SEL1L2: variants seen among roughly 807,000 people sequenced by gnomAD.
The protein encoded by SEL1L2 is SEL1L2 adaptor subunit of SYVN1 ubiquitin ligase, also known as protein sel-1 homolog 2.
Under a neutral mutation model 98.8 loss-of-function variants are expected in SEL1L2, and 89 were observed. The observed-to-expected ratio is 0.90, with a 90% CI of 0.76 to 1.07. SEL1L2 has a LOEUF of 1.07. SEL1L2 is among the 50% of genes least tolerant of loss of function. SEL1L2 has a pLI of 0.00. For missense variants in SEL1L2, 788 were observed against 812.0 expected, an observed-to-expected ratio of 0.97 and a Z score of 0.36; for synonymous variants, 262 against 278.5, an observed-to-expected ratio of 0.94 and a Z score of 0.59.
intron 2 of SEL1L2, among the ~76,000 whole-genome samples, chr20:13,945,753 G>C (rs2049979041): frequency 6.6e-6 from 1 of 152,012 alleles, no homozygotes; most frequent in African/African-American, 2.4e-5. Context: ...GACCAAGTGG[G>C]ATTTTTTTCT....
chr20:13,967,464 A>C (rs1214829304), intron 1 of SEL1L2, among the ~76,000 whole-genome samples: 1 of 152,220 alleles, frequency 6.6e-6, no homozygotes, highest in Non-Finnish European at 1.5e-5. Context: ...GCACAGATAC[A>C]GTCCTATATA....
At position 13,885,329 on chromosome 20, in the gene SEL1L2, A is replaced by C; in HGVS notation, c.957+18T>G. 1 of 1,547,804 alleles carries C rather than the reference A, an allele frequency of 6.5e-7. No individual in the cohort carries two copies. Among genetic ancestry groups the C allele is most frequent in the Non-Finnish European group, 8.9e-7 (1 of 1,119,888 alleles). On this transcript the variant is annotated intron_variant, in intron 10 of 19. Coordinates refer to ENST00000284951, the MANE Select transcript of SEL1L2 (RefSeq NM_025229.2). ...TACCTTCCCCACCCCATTTGACTGG[A>C]TCTTGAGATTGACTTACGTAGTAAT... is the stretch of plus-strand genomic sequence containing the variant.
At chr20:13,883,260 C>G (rs893608469) in intron 10 of SEL1L2, among the ~76,000 whole-genome samples, 3 of 152,198 alleles carry the variant, frequency 2.0e-5, no homozygotes, top group African/African-American at 7.2e-5. Context: ...TGGAATTAAA[C>G]TCGTCTTCTT....
intron 2 of SEL1L2, among the ~76,000 whole-genome samples, chr20:13,941,033 G>A (rs901644432): frequency 3.9e-5 from 6 of 152,200 alleles, no homozygotes; most frequent in African/African-American, 1.4e-4. Flanking sequence ...GTATGTTTTA[G>A]AAGTTTAACA....
intron 12 of SEL1L2, 39 bp downstream of exon 12, chr20:13,875,999 T>TG (rs1437082917): frequency 6.8e-7 from 1 of 1,478,884 alleles, no homozygotes; most frequent in East Asian, 2.3e-5. Context: ...TAAAAGCAAT[T>TG]TGTGTGTATG....
At chr20:13,913,525 T>C (rs2048286418) in intron 5 of SEL1L2, 1 of 316,414 alleles carries the variant, frequency 3.2e-6, no homozygotes, top group African/African-American at 2.1e-5. Flanking sequence ...CATGCAAACA[T>C]GTCACCCTAA....
At chr20:13,879,126 A>G (rs2046571694) in intron 10 of SEL1L2, among the ~76,000 whole-genome samples, 1 of 152,186 alleles carries the variant, frequency 6.6e-6, no homozygotes, top group Non-Finnish European at 1.5e-5. Flanking sequence ...AGGAGGGCTA[A>G]AATGATCGAG....
upstream of SEL1L2, among the ~76,000 whole-genome samples, chr20:13,993,439 A>G (rs761148923): frequency 3.3e-5 from 5 of 152,218 alleles, no homozygotes; most frequent in Admixed American, 6.5e-5. Context: ...GGGATGTTAA[A>G]TATTTAACAG....
upstream of SEL1L2, among the ~76,000 whole-genome samples, chr20:13,993,396 C>T (rs1043942241): frequency 2.6e-5 from 4 of 152,152 alleles, no homozygotes; most frequent in African/African-American, 7.2e-5. Flanking sequence ...AGCATGAGTT[C>T]AGTTTGGTAC....
chr20:13,985,274 C>T (rs1430945573), intron 1 of SEL1L2, among the ~76,000 whole-genome samples: 1 of 152,180 alleles, frequency 6.6e-6, no homozygotes, highest in Non-Finnish European at 1.5e-5. Context: ...CCACTCCAGC[C>T]TCATAAGTTG....
chr20:13,876,910 G>A (rs1041237013), intron 11 of SEL1L2, among the ~76,000 whole-genome samples: 3 of 152,084 alleles, frequency 2.0e-5, no homozygotes, highest in African/African-American at 7.2e-5. Context: ...TGCACCCTCT[G>A]CCTCCCAGGT....
chr20:13,897,624 T>C (rs1046123529), intron 5 of SEL1L2, among the ~76,000 whole-genome samples: 4 of 152,088 alleles, frequency 2.6e-5, no homozygotes, highest in Admixed American at 6.6e-5. Context: ...AAAGAAGATA[T>C]ACAAATGGCC....
At chr20:13,908,081 C>T (rs532588702) in intron 5 of SEL1L2, among the ~76,000 whole-genome samples, 1 of 138,056 alleles carries the variant, frequency 7.2e-6, no homozygotes, top group Admixed American at 7.6e-5. Flanking sequence ...GCCACCATGC[C>T]TGGCTGATCA....
At chr20:13,929,473 C>T (rs1471813412) in intron 3 of SEL1L2, among the ~76,000 whole-genome samples, 1 of 137,896 alleles carries the variant, frequency 7.3e-6, no homozygotes, top group Non-Finnish European at 1.5e-5. Flanking sequence ...TGGATATCCT[C>T]TAATTGCCTT....
At chr20:13,958,674 C>T (rs189886945) in intron 1 of SEL1L2, among the ~76,000 whole-genome samples, 17 of 152,114 alleles carry the variant, frequency 1.1e-4, no homozygotes, top group African/African-American at 1.4e-4. Flanking sequence ...CGGTGGCTCA[C>T]GCCTGTAATC....
chr20:13,866,662 T>C (rs754197020), intron 15 of SEL1L2, 40 bp downstream of exon 15: 1 of 1,473,588 alleles, frequency 6.8e-7, no homozygotes, highest in Non-Finnish European at 9.0e-7. Context: ...CTGTGTCATA[T>C]ATGACAAGTG....
intron 1 of SEL1L2, among the ~76,000 whole-genome samples, chr20:13,979,271 G>A (rs960285803): frequency 6.6e-6 from 1 of 152,052 alleles, no homozygotes; most frequent in African/African-American, 2.4e-5. Flanking sequence ...GAAGAGAGGA[G>A]GATAGGGAGA....
At chr20:13,934,673 G>T (rs892263514) in intron 2 of SEL1L2, among the ~76,000 whole-genome samples, 1 of 150,878 alleles carries the variant, frequency 6.6e-6, no homozygotes, top group Non-Finnish European at 1.5e-5. Context: ...ACTTTTAGTT[G>T]TTTAAGGAAT....
At chr20:13,916,826 G>T (rs907058016) in intron 4 of SEL1L2, among the ~76,000 whole-genome samples, 3 of 152,072 alleles carry the variant, frequency 2.0e-5, no homozygotes, top group African/African-American at 7.2e-5. Context: ...GGCGGGGGTG[G>T]TCAGGAGACT....
Sources: gnomAD v4.1 joint callset for allele counts (sites outside exome capture counted in the v4.1 genomes callset) on GRCh38, gnomAD v4.1.1 for gene constraint, MANE v1.5 for transcripts, NCBI Gene and HGNC (gene_info 2026-07-23, HGNC 2026-07-21) for gene names.